RSPH1: variants seen among roughly 807,000 people sequenced by gnomAD.
RSPH1 encodes radial spoke head component 1.
Under a neutral mutation model 44.2 loss-of-function variants are expected in RSPH1, and 32 were observed. The ratio of observed to expected loss-of-function variants is 0.72; its 90% CI spans 0.55 to 0.97. The LOEUF (loss-of-function observed/expected upper bound fraction) is 0.97, where lower values mean the gene tolerates loss of function less well. Among genes scored for constraint, RSPH1 ranks in the 50% least tolerant of loss-of-function variants. RSPH1 has a pLI of 0.00. For missense variants in RSPH1, 391 were observed against 398.7 expected (o/e 0.98, Z 0.16); for synonymous variants, 134 against 147.3 (o/e 0.91, Z 0.65).
Position 42,477,398 on chromosome 21 carries a change from G to A in RSPH1, c.620C>T (p.Pro207Leu). The A allele has an allele frequency of 6.2e-7, 1 of 1,614,112 alleles. No individual in the cohort carries two copies. The highest frequency in any genetic ancestry group is 1.1e-5 in the South Asian group (1 of 91,086). Residue 207 changes from proline (P) to leucine (L), a missense_variant, in exon 7 of 9, where the codon CCA (proline) becomes CTA (leucine). Transcript: ENST00000291536. ...AGTGATTTGGGTAGCTTTCCATTTTGGAACAACAGTTACTAATTCTTCCTC... is the reference window on the plus strand; with the variant it reads ...AGTGATTTGGGTAGCTTTCCATTTTAGAACAACAGTTACTAATTCTTCCTC... ...EEEEELVTVV[P>L]KWKATQITEL...
intron 6 of RSPH1, among the ~76,000 whole-genome samples, chr21:42,478,354 T>C (rs1483806181): frequency 1.3e-5 from 2 of 152,224 alleles, no homozygotes; most frequent in African/African-American, 4.8e-5. Context: ...TGGCCACCCA[T>C]GAAGGGTGAC....
chr21:42,490,460 T>A (rs1053490621), intron 3 of RSPH1, among the ~76,000 whole-genome samples: 4 of 152,208 alleles, frequency 2.6e-5, no homozygotes, highest in African/African-American at 9.6e-5. Context: ...TTATAATTAA[T>A]ATTATAACTT....
intron 3 of RSPH1, among the ~76,000 whole-genome samples, chr21:42,488,792 C>A (rs1036795834): frequency 6.6e-6 from 1 of 152,192 alleles, no homozygotes; most frequent in Non-Finnish European, 1.5e-5. Context: ...CCTGCTGAGG[C>A]ACATCTCTAA....
chr21:42,495,979 G>A, intron 1 of RSPH1, 154 bp downstream of exon 1: 1 of 732,892 alleles, frequency 1.4e-6, no homozygotes, highest in Non-Finnish European at 2.4e-6. Flanking sequence ...GACGCACGCA[G>A]GTGTGTCTGG....
chr21:42,483,221 G>A (rs552600902), intron 5 of RSPH1, among the ~76,000 whole-genome samples: 3 of 150,554 alleles, frequency 2.0e-5, no homozygotes, highest in African/African-American at 7.3e-5. Flanking sequence ...TACTATTGTT[G>A]GTATTTGGGA....
At chr21:42,486,550 G>C in intron 3 of RSPH1, 89 bp from the exon 4 acceptor site, 3 of 945,544 alleles carry the variant, frequency 3.2e-6, no homozygotes, top group Non-Finnish European at 5.2e-6. Context: ...CATGGCAAAG[G>C]CAGATGTGTT....
At chr21:42,485,181 C>A in intron 5 of RSPH1, 1 of 153,698 alleles carries the variant, frequency 6.5e-6, no homozygotes, top group Admixed American at 6.4e-5. Flanking sequence ...AGGGCCAGGC[C>A]CTTGGCAGCC....
chr21:42,484,615 G>C (rs1304759153), intron 5 of RSPH1: 1 of 152,190 alleles, frequency 6.6e-6, no homozygotes, highest in Non-Finnish European at 1.5e-5. Context: ...GAATGTACTT[G>C]TGTATTATTT....
chr21:42,493,311 G>C (rs7283383), intron 1 of RSPH1, among the ~76,000 whole-genome samples: 5 of 152,116 alleles, frequency 3.3e-5, no homozygotes, highest in Admixed American at 3.3e-4. Flanking sequence ...CGGAAGCCTC[G>C]TTCCCTCCCT....
At chr21:42,477,927 G>C (rs2054085900) in intron 6 of RSPH1, among the ~76,000 whole-genome samples, 1 of 152,034 alleles carries the variant, frequency 6.6e-6, no homozygotes, top group Non-Finnish European at 1.5e-5. Context: ...AATAATAAAA[G>C]AAACAGCCAT....
chr21:42,485,560 G>T, intron 5 of RSPH1, 109 bp downstream of exon 5: 1 of 1,256,850 alleles, frequency 8.0e-7, no homozygotes, highest in Non-Finnish European at 1.1e-6. Context: ...GAATAGGCCG[G>T]ACTCAGTTTT....
rs752263023 is a variant in RSPH1, at chr21:42,492,984, G to A, written c.150C>T (p.Phe50=). The A allele has an allele frequency of 1.1e-5, 17 of 1,613,932 alleles. No homozygotes were observed. Among genetic ancestry groups the A allele is most frequent in the Middle Eastern group, 1.6e-4 (1 of 6,082 alleles). Residue 50 remains phenylalanine, a synonymous_variant, in exon 2 of 9, where the codon TTC becomes TTT. Coordinates refer to ENST00000291536, the MANE Select transcript of RSPH1 (RefSeq NM_080860.4). ...TTCTGACCTGGCCATGTCTTTTACC[G>A]AATTCGTAGCTCCCTTCGTAGGTGT... is the stretch of plus-strand genomic sequence containing the variant. The part of the protein sequence containing the change: ...NGDTYEGSYE[F]GKRHGQGIYK...
Position 42,485,823 on chromosome 21 carries a change from A to C in RSPH1, c.366-19T>G. On this transcript the variant is annotated intron_variant, in intron 4 of 8. Transcript: ENST00000291536. ...CCCATGCCTGGTTAAGACAAGGGGAACATGGTATTTCGTTCCAGCACAGTG... is the reference window on the plus strand; with the variant it reads ...CCCATGCCTGGTTAAGACAAGGGGACCATGGTATTTCGTTCCAGCACAGTG... The C allele has an allele frequency of 6.2e-7, 1 of 1,614,058 alleles. No individual in the cohort carries two copies. Among genetic ancestry groups the C allele is most frequent in the Non-Finnish European group, 8.5e-7 (1 of 1,180,000 alleles).
chr21:42,481,235 C>T (rs943823561), intron 6 of RSPH1, among the ~76,000 whole-genome samples: 1 of 152,004 alleles, frequency 6.6e-6, no homozygotes, highest in Admixed American at 6.6e-5. Flanking sequence ...CACCTCCTCC[C>T]CTCTTTTCCT....
chr21:42,494,530 G>A (rs1003154724), intron 1 of RSPH1, among the ~76,000 whole-genome samples: 20 of 152,060 alleles, frequency 1.3e-4, no homozygotes, highest in Admixed American at 1.3e-3. Context: ...GAGCCGCTGG[G>A]GTGGCTGAAT....
At position 42,475,394 on chromosome 21, in the gene RSPH1, C is replaced by T. The variant is rs747980028; in HGVS notation, c.877+504G>A. Among the ~76,000 whole-genome samples, 22 of 151,880 alleles carry T rather than the reference C, an allele frequency of 1.4e-4. No individual in the cohort carries two copies. In the South Asian group the frequency reaches 4.6e-3, roughly 32 times the overall value. On this transcript the variant is annotated intron_variant, in intron 8 of 8. Transcript: ENST00000291536. ...CCAGTCTGTCCAACACGGTGAAACC[C>T]ACCTCTACTAAAAATACAAAAAAAT...
chr21:42,496,203 G>A lies in RSPH1; in HGVS notation c.-17C>T, dbSNP rs773676123. Reference sequence around the variant, plus strand: ...GTCCGACATGGTCTCGCCCCAGCCTGGATCACAGCCGCAGCGCCTCTAGCA... The same window carrying A: ...GTCCGACATGGTCTCGCCCCAGCCTAGATCACAGCCGCAGCGCCTCTAGCA... On this transcript the variant is annotated 5_prime_UTR_variant, in exon 1 of 9. Coordinates refer to ENST00000291536, the MANE Select transcript of RSPH1 (RefSeq NM_080860.4). 7 of 1,613,954 alleles carry A rather than the reference G, an allele frequency of 4.3e-6. No individual in the cohort carries two copies. The Admixed American group carries it at 1.2e-4, about 27-fold the overall frequency.
chr21:42,481,520 A>C (rs886407955), intron 6 of RSPH1, among the ~76,000 whole-genome samples: 1 of 152,246 alleles, frequency 6.6e-6, no homozygotes, highest in Non-Finnish European at 1.5e-5. Flanking sequence ...GAAAGTATGC[A>C]GACATGGGAG....
chr21:42,491,911 G>A (rs59775135), intron 3 of RSPH1, among the ~76,000 whole-genome samples: 39,318 of 152,086 alleles, frequency 0.26, 5,313 homozygotes, highest in African/African-American at 0.31. Flanking sequence ...GTCTCCCTGT[G>A]TTTATCCATT....
Sources: allele counts gnomAD v4.1 joint callset (sites outside exome capture counted in the v4.1 genomes callset), GRCh38; gene constraint gnomAD v4.1.1; transcripts MANE v1.5; gene names NCBI Gene and HGNC (gene_info 2026-07-23, HGNC 2026-07-21).